The following MYLK variants were observed in gnomAD, a reference collection of about 807,000 sequenced individuals.
MYLK encodes the protein myosin light chain kinase, also known as myosin light chain kinase, smooth muscle.
MYLK carries 106 observed loss-of-function variants against 203.4 expected under a neutral mutation model. The observed-to-expected ratio is 0.52, with a 90% CI of 0.45 to 0.61. The LOEUF (loss-of-function observed/expected upper bound fraction) is 0.61. Among genes scored for constraint, MYLK ranks in the 20% least tolerant of loss-of-function variants. The pLI is 0.00. For synonymous variants in MYLK, 867 were observed against 959.5 expected (o/e 0.90, Z 1.78); for missense variants, 2,072 against 2,442.3 (o/e 0.85, Z 3.20).
chr3:123,856,142 AC>A (rs1283108380), intron 2 of MYLK, among the ~76,000 whole-genome samples: 2 of 152,212 alleles, frequency 1.3e-5, no homozygotes, highest in Admixed American at 6.5e-5. Flanking sequence ...ATATAAAGGG[AC>A]AACACCTAGT....
At chr3:123,728,635 A>C (rs2062376796) in intron 11 of MYLK, among the ~76,000 whole-genome samples, 1 of 152,222 alleles carries the variant, frequency 6.6e-6, no homozygotes, top group South Asian at 2.1e-4. Flanking sequence ...AATCTTGGTA[A>C]GAACAGCAAG....
intron 4 of MYLK, among the ~76,000 whole-genome samples, chr3:123,754,132 T>A (rs755891): frequency 0.042 from 6,340 of 152,290 alleles, 462 homozygotes; most frequent in African/African-American, 0.14. Context: ...TGTGCTCAGT[T>A]TTCTTCCCAG....
intron 13 of MYLK, among the ~76,000 whole-genome samples, chr3:123,714,177 T>C (rs56095266): frequency 0.056 from 8,473 of 152,270 alleles, 347 homozygotes; most frequent in Non-Finnish European, 0.087. Context: ...AGATTGTGTC[T>C]GTTTTACAGT....
At chr3:123,682,502 C>T (rs892851165) in intron 19 of MYLK, among the ~76,000 whole-genome samples, 192 bp from the exon 20 acceptor site, 1 of 152,240 alleles carries the variant, frequency 6.6e-6, no homozygotes, top group African/African-American at 2.4e-5. Flanking sequence ...GAAGGACCGT[C>T]CACTACCCTG....
At chr3:123,836,821 G>A (rs1275734453) in intron 2 of MYLK, among the ~76,000 whole-genome samples, 2 of 152,178 alleles carry the variant, frequency 1.3e-5, no homozygotes, top group East Asian at 1.9e-4. Context: ...AGAGGAGTTT[G>A]ACCACTAGGT....
chr3:123,752,213 GGT>G (rs1172040065), intron 5 of MYLK, 116 bp downstream of exon 5: 3 of 1,059,392 alleles, frequency 2.8e-6, no homozygotes, highest in Non-Finnish European at 4.4e-6. Context: ...TCAAGGATGG[GGT>G]GTGTTTTCTC....
At chr3:123,732,849 TG>T in intron 11 of MYLK, 46 bp downstream of exon 11, 2 of 1,578,630 alleles carry the variant, frequency 1.3e-6, no homozygotes, top group Non-Finnish European at 1.7e-6. Flanking sequence ...ACCCCATGAA[TG>T]GTTGTCCCAC....
At chr3:123,673,816 T>A (rs1382621991) in intron 20 of MYLK, among the ~76,000 whole-genome samples, 2 of 152,096 alleles carry the variant, frequency 1.3e-5, no homozygotes, top group African/African-American at 4.8e-5. Flanking sequence ...ATAAAACCCA[T>A]CCACCTTTGC....
Position 123,738,891 on chromosome 3 carries a change from C to A in MYLK, c.588+6G>T. On this transcript the variant is annotated splice_donor_region_variant and intron_variant, in intron 7 of 33. Transcript: ENST00000360304. The stretch of plus-strand genomic sequence containing the variant: ...GGATCAGGGTCAGGGCAGACAGAAA[C>A]CTCACCTTGAGCCAGGTGACCTGCG... 1 of 1,607,102 alleles carries A rather than the reference C, an allele frequency of 6.2e-7. No individual in the cohort carries two copies. The highest frequency in any genetic ancestry group is 8.5e-7 in the Non-Finnish European group (1 of 1,176,386).
intron 16 of MYLK, among the ~76,000 whole-genome samples, chr3:123,705,267 T>G (rs536045518): frequency 6.6e-6 from 1 of 152,154 alleles, no homozygotes; most frequent in African/African-American, 2.4e-5. Flanking sequence ...CTCCACTGAC[T>G]TGCTTCTTCT....
At chr3:123,670,708 C>T (rs2059888039) in intron 20 of MYLK, among the ~76,000 whole-genome samples, 1 of 152,248 alleles carries the variant, frequency 6.6e-6, no homozygotes, top group South Asian at 2.1e-4. Flanking sequence ...TGCCACTACA[C>T]TCCAGCCTGG....
intron 4 of MYLK, among the ~76,000 whole-genome samples, chr3:123,776,108 C>T (rs181663697): frequency 1.5e-3 from 224 of 152,318 alleles, no homozygotes; most frequent in Non-Finnish European, 2.8e-3. Flanking sequence ...ACCTGCAGGC[C>T]CTGCTGGTCC....
At chr3:123,664,321 G>A (rs936532263) in intron 22 of MYLK, 63 bp from the exon 23 acceptor site, 8 of 1,607,182 alleles carry the variant, frequency 5.0e-6, no homozygotes, top group Admixed American at 3.3e-5. Context: ...AAGGAAGGGG[G>A]CTCCTCCCCA....
intron 16 of MYLK, among the ~76,000 whole-genome samples, chr3:123,707,373 T>C (rs2061499635): frequency 6.6e-6 from 1 of 152,216 alleles, no homozygotes; most frequent in South Asian, 2.1e-4. Flanking sequence ...AGATGATAAA[T>C]GTTTCAAGCT....
intron 31 of MYLK, chr3:123,623,740 G>A (rs2057995561): frequency 6.6e-6 from 1 of 152,212 alleles, no homozygotes; most frequent in Non-Finnish European, 1.5e-5. Context: ...ATATTCCAAG[G>A]GGAGCTAAGG....
intron 4 of MYLK, among the ~76,000 whole-genome samples, chr3:123,777,450 G>T (rs1422218977): frequency 1.3e-5 from 2 of 152,226 alleles, no homozygotes; most frequent in Non-Finnish European, 2.9e-5. Context: ...GCTGGCCACT[G>T]CTCCCTGAAG....
At chr3:123,749,520 C>A (rs1012241406) in intron 5 of MYLK, among the ~76,000 whole-genome samples, 1 of 152,110 alleles carries the variant, frequency 6.6e-6, no homozygotes, top group Non-Finnish European at 1.5e-5. Context: ...ACTGCATGGC[C>A]CTCATTAAGG....
chr3:123,748,076 C>T (rs762364589), intron 5 of MYLK, among the ~76,000 whole-genome samples: 17 of 152,294 alleles, frequency 1.1e-4, no homozygotes, highest in Non-Finnish European at 2.4e-4. Context: ...GCAGGCTGTA[C>T]AAGAAGCATG....
At chr3:123,614,834 T>A (rs978524034) in intron 33 of MYLK, among the ~76,000 whole-genome samples, 2 of 151,446 alleles carry the variant, frequency 1.3e-5, no homozygotes, top group African/African-American at 4.9e-5. Flanking sequence ...GGGGGCAGGG[T>A]CTCATTCTAT....
Sources: allele counts gnomAD v4.1 joint callset (sites outside exome capture counted in the v4.1 genomes callset), GRCh38; gene constraint gnomAD v4.1.1; transcripts MANE v1.5; gene names NCBI Gene and HGNC (gene_info 2026-07-23, HGNC 2026-07-21).